Variants in B4GALT5 observed in about 807,000 individuals in gnomAD.
The protein encoded by B4GALT5 is beta-1,4-galactosyltransferase 5, also known as UDP-Gal:beta-GlcNAc beta-1,4-galactosyltransferase 5.
Under a neutral mutation model 45.0 loss-of-function variants are expected in B4GALT5, and 11 were observed. The ratio of observed to expected loss-of-function variants is 0.24; its 90% CI spans 0.15 to 0.40. The LOEUF is 0.40. B4GALT5 is among the 10% of genes least tolerant of loss of function. B4GALT5 has a pLI of 1.00. For synonymous variants in B4GALT5, 185 were observed against 182.9 expected, an observed-to-expected ratio of 1.01 and a Z score of -0.09; for missense variants, 337 against 500.2, an observed-to-expected ratio of 0.67 and a Z score of 3.11.
At chr20:49,641,329 C>T (rs757946772) in intron 5 of B4GALT5, among the ~76,000 whole-genome samples, 16 of 152,250 alleles carry the variant, frequency 1.1e-4, no homozygotes, top group Non-Finnish European at 1.8e-4. Context: ...ATCAACCAAT[C>T]TCTAACTGTT....
In B4GALT5 at chr20:49,646,430, C is replaced by A. The variant is rs79442707; in HGVS notation, c.364+535G>T. 5.1e-3 allele frequency among the ~76,000 whole-genome samples: 775 copies of A among 152,188 alleles called. 7 individuals are homozygous for A. Among genetic ancestry groups the A allele is most frequent in the African/African-American group, 0.017 (721 of 41,510 alleles). ...CTGTACCATTTTTTATCTTTTATAT[C>A]TCATTTTTTACTGTACCTTTTCTAT... On this transcript the variant is annotated intron_variant, in intron 3 of 8. Transcript: ENST00000371711.
chr20:49,674,396 A>G (rs749898154), intron 1 of B4GALT5, among the ~76,000 whole-genome samples: 2 of 152,190 alleles, frequency 1.3e-5, no homozygotes, highest in Admixed American at 6.5e-5. Flanking sequence ...AAGTTAAAGC[A>G]CTGCGGGGTT....
chr20:49,693,643 T>C (rs1039151438), intron 1 of B4GALT5, among the ~76,000 whole-genome samples: 2 of 152,236 alleles, frequency 1.3e-5, no homozygotes, highest in South Asian at 2.1e-4. Flanking sequence ...TCACTATTCA[T>C]GGTTACATAT....
intron 3 of B4GALT5, among the ~76,000 whole-genome samples, chr20:49,645,672 C>T (rs966585662): frequency 6.6e-6 from 1 of 151,984 alleles, no homozygotes; most frequent in African/African-American, 2.4e-5. Flanking sequence ...TCACTTGAAC[C>T]TGGGAGGCAG....
chr20:49,664,470 A>ACACT lies in B4GALT5; in HGVS notation c.116-7769_116-7768insAGTG, dbSNP rs1491449710. On this transcript the variant is annotated intron_variant, in intron 1 of 8. Transcript: ENST00000371711. The stretch of plus-strand genomic sequence containing the variant: ...CACACACACACACACACACACACAC[A>ACACT]CTTTAGATTCTTCAGGCTGAAAGAA... 1.7e-3 allele frequency among the ~76,000 whole-genome samples: 249 copies of ACACT among 143,418 alleles called. 1 individual carries two copies. The highest frequency in any genetic ancestry group is 1.5e-3 in the Non-Finnish European group (100 of 65,156). The allele number at this position is 143,418 out of a possible 152,430, so 94.1% of individuals were successfully genotyped here. A position where few individuals can be genotyped will look rare whatever the true frequency, so the allele number is the denominator to read the frequency against.
At chr20:49,712,191 T>C (rs532692979) in intron 1 of B4GALT5, among the ~76,000 whole-genome samples, 2 of 152,310 alleles carry the variant, frequency 1.3e-5, no homozygotes, top group Non-Finnish European at 2.9e-5. Flanking sequence ...TTTTTAAAAC[T>C]CTTCAAGCAC....
chr20:49,690,606 C>T (rs1296542851), intron 1 of B4GALT5, among the ~76,000 whole-genome samples: 1 of 150,366 alleles, frequency 6.7e-6, no homozygotes. Flanking sequence ...GTAAATGAAA[C>T]CATATTCCTG....
intron 7 of B4GALT5, among the ~76,000 whole-genome samples, chr20:49,637,706 G>T (rs1279806697): frequency 6.6e-6 from 1 of 151,912 alleles, no homozygotes; most frequent in Admixed American, 6.6e-5. Context: ...GGCCGAGGTG[G>T]GCAGATCATT....
At chr20:49,658,311 G>A (rs529635798) in intron 1 of B4GALT5, among the ~76,000 whole-genome samples, 38 of 152,238 alleles carry the variant, frequency 2.5e-4, no homozygotes, top group South Asian at 2.1e-3. Flanking sequence ...GTCACAGTAG[G>A]GGGGCAGTCC....
intron 1 of B4GALT5, among the ~76,000 whole-genome samples, chr20:49,682,534 G>T (rs1364832273): frequency 2.0e-5 from 3 of 152,066 alleles, no homozygotes; most frequent in Non-Finnish European, 4.4e-5. Context: ...CCACTGTCTT[G>T]GCAGCGCTGC....
chr20:49,679,145 G>C (rs931929836), intron 1 of B4GALT5, among the ~76,000 whole-genome samples: 3 of 152,086 alleles, frequency 2.0e-5, no homozygotes, highest in Admixed American at 6.5e-5. Context: ...AATAGATTAT[G>C]GGAAATGGCC....
At chr20:49,677,684 C>T (rs999003501) in intron 1 of B4GALT5, among the ~76,000 whole-genome samples, 15 of 152,158 alleles carry the variant, frequency 9.9e-5, no homozygotes, top group South Asian at 2.1e-4. Context: ...AAATAAGGAT[C>T]GTACTCCCCC....
chr20:49,679,136 A>G (rs907666242), intron 1 of B4GALT5, among the ~76,000 whole-genome samples: 19 of 152,210 alleles, frequency 1.2e-4, no homozygotes, highest in Admixed American at 4.6e-4. Flanking sequence ...GGATGACTCA[A>G]TAGATTATGG....
intron 1 of B4GALT5, among the ~76,000 whole-genome samples, chr20:49,696,545 C>G (rs566661528): frequency 6.8e-4 from 103 of 152,286 alleles, no homozygotes; most frequent in African/African-American, 2.4e-3. Context: ...GAAAACAGAA[C>G]TGGCCAGGAA....
intron 1 of B4GALT5, 126 bp from the exon 2 acceptor site, chr20:49,656,828 C>G (rs1185491405): frequency 8.3e-7 from 1 of 1,199,408 alleles, no homozygotes; most frequent in Non-Finnish European, 1.2e-6. Context: ...CTTTTAAAAC[C>G]CTACATGACC....
chr20:49,705,863 A>G lies in B4GALT5; in HGVS notation c.115+7713T>C, dbSNP rs1600559217. On this transcript the variant is annotated intron_variant, in intron 1 of 8. Coordinates refer to ENST00000371711, the MANE Select transcript of B4GALT5 (RefSeq NM_004776.4). ...AGTTTAATATGAGCATGAGACCAAG[A>G]GGGCACCTCCTATGGTTATAAATAA... is the stretch of plus-strand genomic sequence containing the variant. Among the ~76,000 whole-genome samples, 4 of 151,984 alleles carry G rather than the reference A, an allele frequency of 2.6e-5. No homozygotes were observed. The South Asian group carries it at 6.2e-4, about 24-fold the overall frequency.
intron 1 of B4GALT5, among the ~76,000 whole-genome samples, chr20:49,697,557 A>G (rs2085844480): frequency 6.6e-6 from 1 of 150,502 alleles, no homozygotes; most frequent in South Asian, 2.1e-4. Context: ...AAGGGATGGC[A>G]GAGGAAGGGG....
intron 8 of B4GALT5, 40 bp downstream of exon 8, chr20:49,637,301 T>TGGG: frequency 2.0e-6 from 3 of 1,532,966 alleles, no homozygotes; most frequent in Non-Finnish European, 2.7e-6. Context: ...CATGAAAGTA[T>TGGG]AGGGGATACT....
At chr20:49,695,284 C>A (rs890573707) in intron 1 of B4GALT5, among the ~76,000 whole-genome samples, 1 of 152,106 alleles carries the variant, frequency 6.6e-6, no homozygotes, top group Non-Finnish European at 1.5e-5. Context: ...TACACAATCC[C>A]CAGCCCCTTT....
Sources: gnomAD v4.1 joint callset for allele counts (sites outside exome capture counted in the v4.1 genomes callset) on GRCh38, gnomAD v4.1.1 for gene constraint, MANE v1.5 for transcripts, NCBI Gene and HGNC (gene_info 2026-07-23, HGNC 2026-07-21) for gene names.